KMT2C: variants seen among roughly 807,000 people sequenced by gnomAD.
KMT2C encodes the protein histone-lysine N-methyltransferase 2C.
In KMT2C, 88 loss-of-function variants were observed where a neutral mutation model predicts 507.9. The observed-to-expected ratio is 0.17, with a 90% CI of 0.15 to 0.21. The LOEUF is 0.21. Among genes scored for constraint, KMT2C ranks in the 10% least tolerant of loss-of-function variants. KMT2C has a pLI of 1.00. For missense variants in KMT2C, 4,954 were observed against 5,957.8 expected, an observed-to-expected ratio of 0.83 and a Z score of 5.55; for synonymous variants, 2,049 against 2,080.8, an observed-to-expected ratio of 0.98 and a Z score of 0.42.
Position 152,194,242 on chromosome 7 carries a change from T to A in KMT2C, c.4527A>T (p.Leu1509Phe). 2 of 1,528,632 alleles carry A rather than the reference T, an allele frequency of 1.3e-6. No individual in the cohort carries two copies. Among genetic ancestry groups the A allele is most frequent in the Non-Finnish European group, 1.8e-6 (2 of 1,126,518 alleles). The allele number at this position is 1,528,632 out of a possible 1,614,324, so 94.7% of individuals were successfully genotyped here. Residue 1509 changes from leucine (L) to phenylalanine (F), a missense_variant, in exon 30 of 59, where the codon TTA becomes TTT. By Grantham distance (22) the Leu-to-Phe change is conservative. Transcript: ENST00000262189. ...MVTDGAILGK[L>F]YKIPELGGKD... is the part of the protein sequence containing the mutation. ...AAACACATTTACCTGGAATTTTATATAATTTTCCAAGAATTGCTCCTAGAA... is the reference window on the plus strand; with the variant it reads ...AAACACATTTACCTGGAATTTTATAAAATTTTCCAAGAATTGCTCCTAGAA...
chr7:152,433,442 A>G (rs2097884002), intron 1 of KMT2C, among the ~76,000 whole-genome samples: 1 of 152,058 alleles, frequency 6.6e-6, no homozygotes, highest in Non-Finnish European at 1.5e-5. Context: ...TTGCTTTCCA[A>G]TTCATATGTT....
At chr7:152,298,845 T>C (rs1455143893) in intron 6 of KMT2C, among the ~76,000 whole-genome samples, 3 of 152,170 alleles carry the variant, frequency 2.0e-5, no homozygotes, top group Non-Finnish European at 4.4e-5. Flanking sequence ...ATGGCAGCAA[T>C]AGCACAAAGT....
rs2129103622 is a variant in KMT2C at position 152,162,239 on chromosome 7, A to G, written c.11338T>C (p.Leu3780=). The G allele has an allele frequency of 2.5e-6, 4 of 1,614,056 alleles. No individual in the cohort carries two copies. The highest frequency in any genetic ancestry group is 3.4e-6 in the Non-Finnish European group (4 of 1,179,980). ...GDSGNELLKH[L]LKNKKSSSLL... ...GAAGATGACTTTTTATTTTTCAACA[A>G]GTGTTTCAGAAGTTCATTCCCTGAG... The change falls in exon 43 of 59, where the codon TTG becomes CTG. Residue 3780 remains leucine, a synonymous_variant. Transcript: ENST00000262189.
intron 9 of KMT2C, among the ~76,000 whole-genome samples, chr7:152,255,943 C>A (rs2095654089): frequency 6.6e-6 from 1 of 152,082 alleles, no homozygotes; most frequent in Non-Finnish European, 1.5e-5. Flanking sequence ...CCGAGGCAGG[C>A]AGATCAATTG....
intron 1 of KMT2C, among the ~76,000 whole-genome samples, chr7:152,404,165 C>T (rs796136392): frequency 0.03 from 3,450 of 115,176 alleles, no homozygotes; most frequent in East Asian, 0.079. Flanking sequence ...CAACCATGTA[C>T]ATATATTACT....
At chr7:152,327,359 C>A (rs1277221266) in intron 3 of KMT2C, among the ~76,000 whole-genome samples, 2 of 152,148 alleles carry the variant, frequency 1.3e-5, no homozygotes, top group Non-Finnish European at 2.9e-5. Flanking sequence ...AAAGATAAGT[C>A]AGTCAGGCAT....
chr7:152,162,377 G>A lies in KMT2C; in HGVS notation c.11200C>T (p.Pro3734Ser), dbSNP rs767855734. The A allele has an allele frequency of 2.8e-5, 46 of 1,614,180 alleles. No homozygotes were observed. The highest frequency in any genetic ancestry group is 3.9e-5 in the Non-Finnish European group (46 of 1,180,036). ...CTACCATTCTGTTCCTCCAATTTAG[G>A]CTCCTCTTGGCCTGGGCAGGACTCT... ...ETESCPGQEEPKLEEQNGSKV... is the reference protein window; with the variant it reads ...ETESCPGQEESKLEEQNGSKV... The change falls in exon 43 of 59, where the codon CCT becomes TCT. Residue 3734 changes from proline to serine, a missense_variant. By Grantham distance (74) the Pro-to-Ser change is moderately conservative. Coordinates refer to ENST00000262189, the MANE Select transcript of KMT2C (RefSeq NM_170606.3).
chr7:152,279,250 T>C (rs1447300422), intron 6 of KMT2C, among the ~76,000 whole-genome samples: 4 of 152,094 alleles, frequency 2.6e-5, no homozygotes, highest in Admixed American at 6.6e-5. Context: ...AGAAGAAAAA[T>C]CATGTATTAT....
chr7:152,423,301 T>C (rs1286146614), intron 1 of KMT2C, among the ~76,000 whole-genome samples: 14 of 151,430 alleles, frequency 9.2e-5, no homozygotes, highest in Non-Finnish European at 7.4e-5. Context: ...AATCATGTCA[T>C]TGCACTCCAG....
chr7:152,330,439 C>T (rs544783017), intron 3 of KMT2C, among the ~76,000 whole-genome samples, 162 bp downstream of exon 3: 2 of 152,230 alleles, frequency 1.3e-5, no homozygotes, highest in Admixed American at 6.5e-5. Context: ...TGTAACTCAT[C>T]CCAACTAAAC....
Position 152,177,813 on chromosome 7 carries a change from G to C in KMT2C, c.7640C>G (p.Pro2547Arg), listed in dbSNP as rs2129115443. 2 of 1,613,816 alleles carry C rather than the reference G, an allele frequency of 1.2e-6. No homozygotes were observed. Among genetic ancestry groups the C allele is most frequent in the Non-Finnish European group, 1.7e-6 (2 of 1,179,942 alleles). ...LPQHFSPQSL[P>R]VQQHNILGQA... ...GCCCAGTATGTTGTGCTGCTGAACT[G>C]GCAAGCTCTGTGGTGAAAAATGCTG... Residue 2547 changes from proline (P) to arginine (R), a missense_variant, in exon 38 of 59, where the codon CCA (proline) becomes CGA (arginine). Pro to Arg is a moderately radical substitution (Grantham distance 103). Coordinates refer to ENST00000262189, the MANE Select transcript of KMT2C (RefSeq NM_170606.3).
chr7:152,145,378 C>G (rs958303457), intron 53 of KMT2C, 83 bp from the exon 54 acceptor site: 2 of 1,379,328 alleles, frequency 1.4e-6, no homozygotes, highest in East Asian at 4.6e-5. Flanking sequence ...GGATGGCCCA[C>G]GACAGAAATA....
At chr7:152,426,287 G>A (rs1454660014) in intron 1 of KMT2C, among the ~76,000 whole-genome samples, 1 of 147,796 alleles carries the variant, frequency 6.8e-6, no homozygotes, top group Non-Finnish European at 1.5e-5. Flanking sequence ...ACCCAGGCTG[G>A]AGTGCAGTGG....
At chr7:152,191,545 A>G (rs1196549013) in intron 31 of KMT2C, among the ~76,000 whole-genome samples, 1 of 152,198 alleles carries the variant, frequency 6.6e-6, no homozygotes, top group Admixed American at 6.5e-5. Flanking sequence ...CAATAACCTC[A>G]TTAGTACAAT....
chr7:152,159,098 A>T (rs2092288358), intron 43 of KMT2C, 26 bp from the exon 44 acceptor site: 1 of 1,602,670 alleles, frequency 6.2e-7, no homozygotes, highest in African/African-American at 1.3e-5. Flanking sequence ...AGGGTAAAAA[A>T]TAAGTGAACA....
rs569685022 is a variant in KMT2C, at chr7:152,409,303, C to A, written c.161+26323G>T. Among the ~76,000 whole-genome samples the A allele has an allele frequency of 2.6e-5, 4 of 152,022 alleles. No homozygotes were observed. The East Asian group carries it at 7.7e-4, about 29-fold the overall frequency. On this transcript the variant is annotated intron_variant, in intron 1 of 58. Coordinates refer to ENST00000262189, the MANE Select transcript of KMT2C (RefSeq NM_170606.3). ...ATTAGAGGTGTGAGCCACCAAGACCCACCTTAAAACAAGTTCTTTGAAAAC... is the reference window on the plus strand; with the variant it reads ...ATTAGAGGTGTGAGCCACCAAGACCAACCTTAAAACAAGTTCTTTGAAAAC...
intron 2 of KMT2C, among the ~76,000 whole-genome samples, chr7:152,342,153 T>C (rs112862685): frequency 6.6e-6 from 1 of 152,036 alleles, no homozygotes; most frequent in Non-Finnish European, 1.5e-5. Flanking sequence ...TAAGAACCAA[T>C]AGTCATTACA....
chr7:152,231,497 C>A (rs1404873792), intron 16 of KMT2C, among the ~76,000 whole-genome samples: 1 of 152,292 alleles, frequency 6.6e-6, no homozygotes, highest in Admixed American at 6.5e-5. Flanking sequence ...AGAAGATTAA[C>A]CAGCTGGGTG....
At chr7:152,205,778 C>T (rs926746764) in intron 24 of KMT2C, among the ~76,000 whole-genome samples, 1 of 152,156 alleles carries the variant, frequency 6.6e-6, no homozygotes, top group African/African-American at 2.4e-5. Context: ...TGGAAGTGCA[C>T]TCTATGATGT....
Sources: allele counts gnomAD v4.1 joint callset (sites outside exome capture counted in the v4.1 genomes callset), GRCh38; gene constraint gnomAD v4.1.1; transcripts MANE v1.5; gene names NCBI Gene and HGNC (gene_info 2026-07-23, HGNC 2026-07-21).